The following PARD3B variants were observed in gnomAD, a reference collection of about 807,000 sequenced individuals.
PARD3B encodes the protein par-3 family cell polarity regulator beta.
Under a neutral mutation model 130.2 loss-of-function variants are expected in PARD3B, and 103 were observed. The observed-to-expected ratio is 0.79, with a 90% CI of 0.67 to 0.93. The LOEUF (loss-of-function observed/expected upper bound fraction) is 0.93. Ranked by LOEUF, PARD3B falls within the 40% of genes least tolerant of loss-of-function variation. The pLI, the probability that PARD3B is intolerant of heterozygous loss-of-function variation, is 0.00. For missense variants in PARD3B, 1,609 were observed against 1,499.2 expected (o/e 1.07, Z -1.21); for synonymous variants, 583 against 553.2 (o/e 1.05, Z -0.76).
rs886795329 is a variant in PARD3B at position 204,816,672 on chromosome 2, A to AT, written c.222+130400dup. Among the ~76,000 whole-genome samples, 254 of 147,076 alleles carry AT rather than the reference A, an allele frequency of 1.7e-3. 1 individual carries two copies. The highest frequency in any genetic ancestry group is 4.9e-3 in the African/African-American group (194 of 39,524). On this transcript the variant is annotated intron_variant, in intron 2 of 22. Coordinates refer to ENST00000406610, the MANE Select transcript of PARD3B (RefSeq NM_001302769.2). ...GTTTTTCCTGGCTCCTTTTAAGATT[A>AT]TTTTTTTTTTACCACTGATTTTAAA...
chr2:205,397,656 G>GA lies in PARD3B; in HGVS notation c.2631-3349dup, dbSNP rs529967123. ...TATAGGAGAAATAATATGGGACATGGAAAAAAAAGAAAAGCCTGATACCTG... is the reference window on the plus strand; with the variant it reads ...TATAGGAGAAATAATATGGGACATGGAAAAAAAAAGAAAAGCCTGATACCTG... On this transcript the variant is annotated intron_variant, in intron 18 of 22. Coordinates refer to ENST00000406610, the MANE Select transcript of PARD3B (RefSeq NM_001302769.2). This position sits in a 1 kb window ranked among gnomAD's most constrained non-coding sequence, Gnocchi z 4.8. Among the ~76,000 whole-genome samples the GA allele has an allele frequency of 4.0e-5, 6 of 151,734 alleles. No homozygotes were observed. The highest frequency in any genetic ancestry group is 3.9e-4 in the East Asian group (2 of 5,174).
chr2:204,612,826 A>G (rs1463493302), intron 1 of PARD3B, among the ~76,000 whole-genome samples: 1 of 149,342 alleles, frequency 6.7e-6, no homozygotes, highest in Non-Finnish European at 1.5e-5. Context: ...GCTTGAGTGA[A>G]TATTTCTTGA....
intron 2 of PARD3B, among the ~76,000 whole-genome samples, chr2:204,908,875 T>C (rs1267931329): frequency 6.6e-6 from 1 of 152,200 alleles, no homozygotes; most frequent in Non-Finnish European, 1.5e-5. Flanking sequence ...TCCATAAATA[T>C]AGTGAATTTG....
intron 22 of PARD3B, among the ~76,000 whole-genome samples, chr2:205,557,076 C>T (rs900225916): frequency 6.6e-6 from 1 of 152,058 alleles, no homozygotes; most frequent in Non-Finnish European, 1.5e-5. Flanking sequence ...CTCTGTGCAT[C>T]GGCGCATGAT....
chr2:205,314,728 A>G (rs1028859191), intron 18 of PARD3B, among the ~76,000 whole-genome samples: 3 of 152,196 alleles, frequency 2.0e-5, no homozygotes, highest in African/African-American at 7.2e-5. Context: ...AGACAGTCCA[A>G]TTTTGCTTCT....
At chr2:204,904,877 T>C (rs1575265535) in intron 2 of PARD3B, among the ~76,000 whole-genome samples, 1 of 152,350 alleles carries the variant, frequency 6.6e-6, no homozygotes, top group East Asian at 1.9e-4. Context: ...ATATGTGATG[T>C]TAAAATCTTA....
chr2:205,316,312 C>T (rs1424026798), intron 18 of PARD3B, among the ~76,000 whole-genome samples: 1 of 151,546 alleles, frequency 6.6e-6, no homozygotes, highest in African/African-American at 2.4e-5. Flanking sequence ...GAGGACAGTG[C>T]TAGAGAAAAT....
intron 14 of PARD3B, among the ~76,000 whole-genome samples, chr2:205,188,359 C>T (rs906287386): frequency 6.6e-6 from 1 of 152,176 alleles, no homozygotes; most frequent in African/African-American, 2.4e-5. Context: ...GTCTGTCCTG[C>T]TCCATGGGTG....
rs377098240 is a variant in PARD3B at position 204,805,946 on chromosome 2, A to G, written c.222+119664A>G. Among the ~76,000 whole-genome samples, 12 of 152,026 alleles carry G rather than the reference A, an allele frequency of 7.9e-5. No individual in the cohort carries two copies. The East Asian group carries it at 9.7e-4, about 12-fold the overall frequency. ...TAAAAGCCACATATGGCAGACCCAC[A>G]GCTACTATCATATTATGAAACATTG... On this transcript the variant is annotated intron_variant, in intron 2 of 22. Transcript: ENST00000406610.
intron 2 of PARD3B, among the ~76,000 whole-genome samples, chr2:204,780,797 C>T (rs75194268): frequency 0.015 from 2,227 of 151,952 alleles, 35 homozygotes; most frequent in African/African-American, 0.041. Context: ...TTCTTGAAGC[C>T]GTAGCTCTTT....
At chr2:205,560,295 A>G (rs2053083535) in intron 22 of PARD3B, among the ~76,000 whole-genome samples, 1 of 152,202 alleles carries the variant, frequency 6.6e-6, no homozygotes, top group South Asian at 2.1e-4. Flanking sequence ...ATCTTTGTAT[A>G]TGACACAGAA....
intron 3 of PARD3B, among the ~76,000 whole-genome samples, chr2:204,976,888 G>T (rs558945656): frequency 1.3e-5 from 2 of 152,008 alleles, no homozygotes; most frequent in African/African-American, 4.8e-5. Flanking sequence ...GGGATTACAG[G>T]GGTGAGCCAG....
At chr2:205,233,742 T>C (rs1336425301) in intron 15 of PARD3B, among the ~76,000 whole-genome samples, 4 of 152,168 alleles carry the variant, frequency 2.6e-5, no homozygotes, top group Non-Finnish European at 4.4e-5. Flanking sequence ...AGAAAACTTA[T>C]ATTACCCTAC....
intron 1 of PARD3B, among the ~76,000 whole-genome samples, chr2:204,631,457 C>T (rs1335049404): frequency 1.3e-5 from 2 of 152,098 alleles, no homozygotes; most frequent in Admixed American, 1.3e-4. Context: ...ACCATGTTGG[C>T]CAGGATAGTC....
Position 205,023,146 on chromosome 2 carries a change from G to C in PARD3B, c.395-24435G>C, listed in dbSNP as rs534847701. Among the ~76,000 whole-genome samples, 5 of 152,260 alleles carry C rather than the reference G, an allele frequency of 3.3e-5. No individual in the cohort carries two copies. In the South Asian group the frequency reaches 1.0e-3, roughly 32 times the overall value. ...CAATCAGAGAGTGTCGGGGGGATTA[G>C]AAGTTCGGTTGCATCGGAGTTAGCT... On this transcript the variant is annotated intron_variant, in intron 3 of 22. Transcript: ENST00000406610.
intron 1 of PARD3B, among the ~76,000 whole-genome samples, chr2:204,554,589 A>G (rs1166971408): frequency 6.6e-6 from 1 of 151,444 alleles, no homozygotes; most frequent in African/African-American, 2.4e-5. Flanking sequence ...CTGTTAGTAT[A>G]CTGGAGCTTG....
At chr2:205,326,974 A>G (rs1192154630) in intron 18 of PARD3B, among the ~76,000 whole-genome samples, 2 of 152,204 alleles carry the variant, frequency 1.3e-5, no homozygotes, top group African/African-American at 4.8e-5. Flanking sequence ...TTACTAAAAT[A>G]TTTGCTACTT....
chr2:205,137,614 G>T (rs995884384), intron 10 of PARD3B, among the ~76,000 whole-genome samples: 3 of 152,170 alleles, frequency 2.0e-5, no homozygotes, highest in African/African-American at 7.2e-5. Flanking sequence ...GCAGTTCTGT[G>T]GGTTGTGTGA....
intron 2 of PARD3B, among the ~76,000 whole-genome samples, chr2:204,893,617 G>A (rs548167600): frequency 5.9e-4 from 90 of 152,284 alleles, no homozygotes; most frequent in African/African-American, 2.1e-3. Context: ...TAATAGCATA[G>A]TTTATTTAAC....
Sources: gnomAD v4.1 joint callset for allele counts (sites outside exome capture counted in the v4.1 genomes callset) on GRCh38, gnomAD v4.1.1 for gene constraint, Gnocchi (gnomAD v3.1) non-coding constraint, MANE v1.5 for transcripts, NCBI Gene and HGNC (gene_info 2026-07-23, HGNC 2026-07-21) for gene names.